The following XYLT1 variants were observed in gnomAD, a reference collection of about 807,000 sequenced individuals.
XYLT1 encodes xylosyltransferase 1, also known as beta-D-xylosyltransferase 1.
XYLT1 carries 36 observed loss-of-function variants against 91.3 expected under a neutral mutation model. The observed-to-expected ratio is 0.39, with a 90% CI of 0.30 to 0.52. The LOEUF is 0.52. XYLT1 is among the 20% of genes least tolerant of loss of function. The pLI is 0.68. For synonymous variants in XYLT1, 588 were observed against 532.0 expected (o/e 1.11, Z -1.45); for missense variants, 1,242 against 1,284.5 (o/e 0.97, Z 0.51).
intron 2 of XYLT1, among the ~76,000 whole-genome samples, chr16:17,293,274 C>T (rs541336973): frequency 6.6e-6 from 1 of 152,164 alleles, no homozygotes; most frequent in East Asian, 1.9e-4. Context: ...CCAAACACAC[C>T]CAAAACCTCT....
At chr16:17,330,104 T>TACAC (rs35148093) in intron 2 of XYLT1, among the ~76,000 whole-genome samples, 3,113 of 144,568 alleles carry the variant, frequency 0.022, 103 homozygotes, top group African/African-American at 0.068. Context: ...TGGAGGTAGA[T>TACAC]ACACACACAC....
chr16:17,356,449 T>G (rs1369397351), intron 2 of XYLT1, among the ~76,000 whole-genome samples: 1 of 152,128 alleles, frequency 6.6e-6, no homozygotes, highest in Non-Finnish European at 1.5e-5. Context: ...CCCCCGTGGC[T>G]ATACCTGTGT....
intron 1 of XYLT1, among the ~76,000 whole-genome samples, chr16:17,411,232 G>A (rs534909104): frequency 1.3e-5 from 2 of 152,324 alleles, no homozygotes; most frequent in African/African-American, 4.8e-5. Context: ...CTTGTAATAT[G>A]AGTTTGTACA....
chr16:17,282,979 G>C (rs2034080646), intron 2 of XYLT1, among the ~76,000 whole-genome samples: 1 of 150,076 alleles, frequency 6.7e-6, no homozygotes, highest in Non-Finnish European at 1.5e-5. Flanking sequence ...AAGTCACACA[G>C]CTAGTAAGCA....
In XYLT1 at chr16:17,466,781, TAAAC is replaced by T. The variant is rs571511457; in HGVS notation, c.363+3649_363+3652del. On this transcript the variant is annotated intron_variant, in intron 1 of 11. Coordinates refer to ENST00000261381, the MANE Select transcript of XYLT1 (RefSeq NM_022166.4). Reference sequence around the variant, plus strand: ...TTATCTATTTTAACACTTTCCATGATAAACAGATGGCAACATTTGCAGTAAGATA... The same window carrying T: ...TTATCTATTTTAACACTTTCCATGATAGATGGCAACATTTGCAGTAAGATA... 9.2e-5 allele frequency among the ~76,000 whole-genome samples: 14 copies of T among 152,300 alleles called. No homozygotes were observed. The East Asian group carries it at 2.5e-3, about 27-fold the overall frequency.
At chr16:17,356,856 G>C (rs919731621) in intron 2 of XYLT1, among the ~76,000 whole-genome samples, 3 of 151,994 alleles carry the variant, frequency 2.0e-5, no homozygotes, top group African/African-American at 7.2e-5. Context: ...AGATCCAGCA[G>C]GAAAAGTAAC....
At chr16:17,382,616 C>T (rs2035695439) in intron 1 of XYLT1, among the ~76,000 whole-genome samples, 2 of 151,868 alleles carry the variant, frequency 1.3e-5, no homozygotes, top group Admixed American at 1.3e-4. Flanking sequence ...ACCAGCACAG[C>T]ACATGGGAGA....
intron 1 of XYLT1, among the ~76,000 whole-genome samples, chr16:17,440,743 G>A (rs1047425369): frequency 4.6e-5 from 7 of 152,194 alleles, no homozygotes; most frequent in African/African-American, 1.7e-4. Flanking sequence ...GCTTCCTAGT[G>A]TAATATTCTC....
At chr16:17,445,484 A>C (rs2036580372) in intron 1 of XYLT1, among the ~76,000 whole-genome samples, 1 of 152,176 alleles carries the variant, frequency 6.6e-6, no homozygotes, top group African/African-American at 2.4e-5. Context: ...ACCAGAAAGG[A>C]AGGCTGGGAG....
intron 2 of XYLT1, among the ~76,000 whole-genome samples, chr16:17,305,946 C>A (rs985641787): frequency 1.3e-5 from 2 of 152,156 alleles, no homozygotes; most frequent in Non-Finnish European, 2.9e-5. Flanking sequence ...CATCCTCTCA[C>A]TCCTCTGGCT....
intron 2 of XYLT1, among the ~76,000 whole-genome samples, chr16:17,340,316 C>T (rs951573621): frequency 6.6e-6 from 1 of 152,178 alleles, no homozygotes; most frequent in Non-Finnish European, 1.5e-5. Flanking sequence ...CTTGTATGGC[C>T]GTGGGCATGT....
chr16:17,156,888 A>G (rs1050921388), intron 6 of XYLT1, among the ~76,000 whole-genome samples: 1 of 152,168 alleles, frequency 6.6e-6, no homozygotes, highest in African/African-American at 2.4e-5. Flanking sequence ...TAAATAGCAG[A>G]ATGAAATCAA....
At chr16:17,144,175 GTTGTTC>G (rs1314780097) in intron 6 of XYLT1, among the ~76,000 whole-genome samples, 1 of 152,168 alleles carries the variant, frequency 6.6e-6, no homozygotes, top group African/African-American at 2.4e-5. Flanking sequence ...GTGAGCTAGG[GTTGTTC>G]TTGTTTTTGC....
intron 3 of XYLT1, among the ~76,000 whole-genome samples, chr16:17,235,166 C>G (rs545687983): frequency 6.0e-4 from 91 of 152,148 alleles, no homozygotes; most frequent in African/African-American, 2.1e-3. Context: ...TTACTGATGC[C>G]TGATTAAATG....
intron 5 of XYLT1, among the ~76,000 whole-genome samples, chr16:17,187,762 T>C (rs1466404561): frequency 6.6e-6 from 1 of 151,724 alleles, no homozygotes; most frequent in Non-Finnish European, 1.5e-5. Context: ...TCTCACTTAT[T>C]TTATCATTCT....
At chr16:17,206,701 A>G (rs1440084155) in intron 3 of XYLT1, among the ~76,000 whole-genome samples, 4 of 152,162 alleles carry the variant, frequency 2.6e-5, no homozygotes, top group Admixed American at 2.6e-4. Flanking sequence ...GTGTCACTGC[A>G]CTCTGGCCTG....
At chr16:17,191,657 G>A (rs1187295465) in intron 5 of XYLT1, among the ~76,000 whole-genome samples, 2 of 152,196 alleles carry the variant, frequency 1.3e-5, no homozygotes, top group African/African-American at 4.8e-5. Context: ...ATAAACTCTG[G>A]TCTTCGGGAG....
chr16:17,256,648 C>CG (rs1555491469), intron 3 of XYLT1, among the ~76,000 whole-genome samples: 148 of 125,410 alleles, frequency 1.2e-3, no homozygotes, highest in African/African-American at 5.0e-3. Flanking sequence ...GACTCCGTCT[C>CG]GAAAAAAAAA....
At chr16:17,327,864 T>A (rs2034836770) in intron 2 of XYLT1, among the ~76,000 whole-genome samples, 1 of 152,074 alleles carries the variant, frequency 6.6e-6, no homozygotes, top group African/African-American at 2.4e-5. Flanking sequence ...TTAAAGTAAC[T>A]AACAGCCAGC....
Sources: allele counts gnomAD v4.1 joint callset (sites outside exome capture counted in the v4.1 genomes callset), GRCh38; gene constraint gnomAD v4.1.1; transcripts MANE v1.5; gene names NCBI Gene and HGNC (gene_info 2026-07-23, HGNC 2026-07-21).